INTS9: variants seen among roughly 807,000 people sequenced by gnomAD.
The protein encoded by INTS9 is protein related to CPSF subunits of 74 kDa.
A neutral mutation model predicts 79.7 loss-of-function variants in INTS9; 55 were observed. That is an observed-to-expected ratio of 0.69 (90% CI 0.56 to 0.86). The LOEUF (loss-of-function observed/expected upper bound fraction) is 0.86, where lower values mean the gene tolerates loss of function less well. Ranked by LOEUF, INTS9 falls within the 40% of genes least tolerant of loss-of-function variation. The probability of loss-of-function intolerance (pLI) is 0.00; values close to 1 mark genes in which losing one functional copy is unlikely to be tolerated. For synonymous variants in INTS9, 319 were observed against 325.2 expected, an observed-to-expected ratio of 0.98 and a Z score of 0.20; for missense variants, 721 against 831.5, an observed-to-expected ratio of 0.87 and a Z score of 1.64.
chr8:28,862,307 T>A, intron 1 of INTS9: 1 of 843,730 alleles, frequency 1.2e-6, no homozygotes, highest in Non-Finnish European at 1.4e-6. Flanking sequence ...TTTTTCATAT[T>A]TGTAAAAGCT....
rs1453609682 is a variant in INTS9, at chr8:28,777,762, C to G, written c.1395+67G>C. On this transcript the variant is annotated intron_variant, in intron 13 of 16. Coordinates refer to ENST00000521022, the MANE Select transcript of INTS9 (RefSeq NM_018250.4). ...ACAGCTAGATCTCTCTCCCCTCACC[C>G]CACACAAGCATGAGCCACACCAAGG... is the stretch of plus-strand genomic sequence containing the variant. 4.0e-6 allele frequency: 6 copies of G among 1,508,786 alleles called. No individual in the cohort carries two copies. The South Asian group carries it at 6.6e-5, about 17-fold the overall frequency. The allele number at this position is 1,508,786 out of a possible 1,614,324, so 93.5% of individuals were successfully genotyped here.
At chr8:28,799,847 A>G (rs1289307640) in intron 8 of INTS9, among the ~76,000 whole-genome samples, 2 of 152,164 alleles carry the variant, frequency 1.3e-5, no homozygotes, top group Admixed American at 1.3e-4. Context: ...ACTCAGCCAC[A>G]TTGGTGTGCT....
chr8:28,871,124 C>T (rs1015259419), intron 1 of INTS9, among the ~76,000 whole-genome samples: 4 of 152,102 alleles, frequency 2.6e-5, no homozygotes, highest in African/African-American at 7.2e-5. Flanking sequence ...CTAGTCACAC[C>T]GGTAGTAAGT....
At chr8:28,846,389 A>C (rs1807516989) in intron 4 of INTS9, among the ~76,000 whole-genome samples, 1 of 71,896 alleles carries the variant, frequency 1.4e-5, no homozygotes. Flanking sequence ...TCAATTACCC[A>C]CCATAAAGCA....
chr8:28,869,643 C>A (rs770203352), intron 1 of INTS9, among the ~76,000 whole-genome samples: 10 of 152,190 alleles, frequency 6.6e-5, no homozygotes, highest in African/African-American at 9.7e-5. Flanking sequence ...TCTATAAATA[C>A]ATTTCAGTTT....
At chr8:28,820,825 C>T (rs1430649632) in intron 6 of INTS9, among the ~76,000 whole-genome samples, 2 of 151,948 alleles carry the variant, frequency 1.3e-5, no homozygotes, top group African/African-American at 2.4e-5. Flanking sequence ...TATACAGTTA[C>T]TAGTAGCTGA....
chr8:28,768,842 A>C (rs1346428373), intron 16 of INTS9, among the ~76,000 whole-genome samples: 4 of 152,256 alleles, frequency 2.6e-5, no homozygotes, highest in Non-Finnish European at 4.4e-5. Flanking sequence ...CCTGAAACAG[A>C]CACACAGCAG....
chr8:28,827,096 A>C (rs1270484804), intron 6 of INTS9, among the ~76,000 whole-genome samples: 2 of 152,238 alleles, frequency 1.3e-5, no homozygotes, highest in Non-Finnish European at 2.9e-5. Context: ...TAAAGCCATT[A>C]GGATTATTGG....
chr8:28,847,940 A>G (rs758536972), intron 3 of INTS9, among the ~76,000 whole-genome samples: 7 of 152,230 alleles, frequency 4.6e-5, no homozygotes, highest in Admixed American at 6.5e-5. Context: ...CAACTGCTGC[A>G]TTTTGTGCAG....
intron 16 of INTS9, among the ~76,000 whole-genome samples, chr8:28,768,604 G>A (rs1585313867): frequency 6.6e-6 from 1 of 152,202 alleles, no homozygotes; most frequent in East Asian, 1.9e-4. Context: ...AGTCTGGGAC[G>A]CTCAGCTGCT....
intron 1 of INTS9, among the ~76,000 whole-genome samples, chr8:28,863,526 A>G (rs1305024341): frequency 1.3e-5 from 2 of 152,240 alleles, no homozygotes; most frequent in Non-Finnish European, 2.9e-5. Context: ...CTGTAATCCC[A>G]GCACTTTGGG....
At chr8:28,811,870 C>T (rs567469399) in intron 8 of INTS9, among the ~76,000 whole-genome samples, 1 of 152,264 alleles carries the variant, frequency 6.6e-6, no homozygotes, top group South Asian at 2.1e-4. Context: ...TGACCAGGCA[C>T]TTTATTTGTT....
chr8:28,862,296 T>G (rs1392626759), intron 1 of INTS9: 1 of 881,802 alleles, frequency 1.1e-6, no homozygotes, highest in Non-Finnish European at 1.4e-6. Flanking sequence ...ATATTCCATC[T>G]TTTTTCATAT....
intron 1 of INTS9, among the ~76,000 whole-genome samples, chr8:28,866,879 G>A (rs976996367): frequency 6.6e-6 from 1 of 152,166 alleles, no homozygotes; most frequent in African/African-American, 2.4e-5. Context: ...GGAGGCTGAG[G>A]CAGGAGACTG....
intron 6 of INTS9, among the ~76,000 whole-genome samples, chr8:28,826,078 A>G (rs1806124279): frequency 6.6e-6 from 1 of 152,234 alleles, no homozygotes; most frequent in South Asian, 2.1e-4. Flanking sequence ...AATTTTCACT[A>G]CAGATGATTT....
In INTS9 at chr8:28,768,326, C is replaced by G. The variant is rs373421512; in HGVS notation, c.1801-4G>C. The G allele has an allele frequency of 1.2e-6, 2 of 1,612,744 alleles. No individual in the cohort carries two copies. Among genetic ancestry groups the G allele is most frequent in the Admixed American group, 3.3e-5 (2 of 60,018 alleles). ...CCTTAATATCACTGAAGCCATGCTG[C>G]TCCAGAAGAAAAGAAAGAGGTGGGC... On this transcript the variant is annotated splice_region_variant and splice_polypyrimidine_tract_variant and intron_variant, in intron 16 of 16. Transcript: ENST00000521022.
At chr8:28,871,481 C>T (rs538949142) in intron 1 of INTS9, among the ~76,000 whole-genome samples, 26 of 152,064 alleles carry the variant, frequency 1.7e-4, no homozygotes, top group Non-Finnish European at 2.6e-4. Context: ...TACGGCTCAC[C>T]GCAGCCTCAA....
intron 1 of INTS9, among the ~76,000 whole-genome samples, chr8:28,872,976 A>AT (rs200377978): frequency 0.014 from 2,113 of 146,186 alleles, 14 homozygotes; most frequent in Admixed American, 0.021. Flanking sequence ...ATTACAGGTG[A>AT]TTTTTTTTTT....
intron 12 of INTS9, among the ~76,000 whole-genome samples, chr8:28,780,129 A>G (rs182453732): frequency 8.1e-4 from 118 of 145,092 alleles, no homozygotes; most frequent in Admixed American, 2.0e-3. Flanking sequence ...ACCCTAACCC[A>G]TGGGTGTCCA....
Sources: gnomAD v4.1 joint callset for allele counts (sites outside exome capture counted in the v4.1 genomes callset) on GRCh38, gnomAD v4.1.1 for gene constraint, MANE v1.5 for transcripts, NCBI Gene and HGNC (gene_info 2026-07-23, HGNC 2026-07-21) for gene names.